Variants in ZC3H14 observed in about 807,000 individuals in gnomAD.
The protein encoded by ZC3H14 is zinc finger CCCH-type containing 14.
A neutral mutation model predicts 92.4 loss-of-function variants in ZC3H14; 31 were observed. That is an observed-to-expected ratio of 0.34 (90% CI 0.25 to 0.45). The LOEUF (loss-of-function observed/expected upper bound fraction) is 0.45, where lower values mean the gene tolerates loss of function less well. Ranked by LOEUF, ZC3H14 falls within the 20% of genes least tolerant of loss-of-function variation. ZC3H14 has a pLI of 1.00. For missense variants in ZC3H14, 781 were observed against 897.3 expected, an observed-to-expected ratio of 0.87 and a Z score of 1.66; for synonymous variants, 321 against 300.9, an observed-to-expected ratio of 1.07 and a Z score of -0.69.
intron 9 of ZC3H14, chr14:88,590,159 G>A (rs1297444326): frequency 2.6e-5 from 4 of 151,648 alleles, no homozygotes; most frequent in South Asian, 2.1e-4. Flanking sequence ...AAAAGTCACC[G>A]TCTGTGATTT....
At chr14:88,581,500 G>T (rs1326208819) in intron 9 of ZC3H14, among the ~76,000 whole-genome samples, 1 of 152,170 alleles carries the variant, frequency 6.6e-6, no homozygotes, top group East Asian at 1.9e-4. Context: ...GGCGGAGGTT[G>T]CAGTGAGCCA....
chr14:88,571,698 ACG>A (rs1448202567), intron 4 of ZC3H14, among the ~76,000 whole-genome samples: 1 of 152,238 alleles, frequency 6.6e-6, no homozygotes, highest in Admixed American at 6.5e-5. Context: ...ACGGTGGCTC[ACG>A]CCTGTAATCC....
chr14:88,568,330 C>T (rs1018325701), intron 3 of ZC3H14, among the ~76,000 whole-genome samples, 177 bp downstream of exon 3: 6 of 152,264 alleles, frequency 3.9e-5, no homozygotes, highest in Middle Eastern at 3.4e-3. Flanking sequence ...AAGAAATACC[C>T]GAGACTGGGT....
chr14:88,602,829 G>T lies in ZC3H14; in HGVS notation c.1516G>T (p.Asp506Tyr). The change falls in exon 12 of 17, where the codon GAT (aspartate) becomes TAT (tyrosine). Residue 506 changes from aspartate to tyrosine, a missense_variant and splice_region_variant. Physicochemically the swap from Asp to Tyr is radical, Grantham distance 160. Coordinates refer to ENST00000251038, the MANE Select transcript of ZC3H14 (RefSeq NM_024824.5). The part of the protein sequence containing the change: ...VLSGHLMQTR[D>Y]LVQPDKPASP... ...TGGTATTTTTTATCTGTCTGGCAGAGATCTTGTACAACCAGATAAACCTGC... is the reference window on the plus strand; with the variant it reads ...TGGTATTTTTTATCTGTCTGGCAGATATCTTGTACAACCAGATAAACCTGC... 1 of 1,614,058 alleles carries T rather than the reference G, an allele frequency of 6.2e-7. No individual in the cohort carries two copies. The highest frequency in any genetic ancestry group is 8.5e-7 in the Non-Finnish European group (1 of 1,179,944).
At chr14:88,588,141 TG>T (rs2082679157) in intron 9 of ZC3H14, among the ~76,000 whole-genome samples, 1 of 152,184 alleles carries the variant, frequency 6.6e-6, no homozygotes, top group Non-Finnish European at 1.5e-5. Context: ...TTGAAATCTT[TG>T]GGTTTCCCAC....
chr14:88,582,711 A>G lies in ZC3H14; in HGVS notation c.1279+4571A>G, dbSNP rs541664388. On this transcript the variant is annotated intron_variant, in intron 9 of 16. Transcript: ENST00000251038. ...TTTCTATACTGTGTTTTAAAAGGGG[A>G]TAATTGAAATGGTGTCAGGTACCTT... 2.0e-5 allele frequency among the ~76,000 whole-genome samples: 3 copies of G among 152,212 alleles called. No individual in the cohort carries two copies. In the South Asian group the frequency reaches 6.2e-4, roughly 32 times the overall value.
chr14:88,572,152 C>T lies in ZC3H14; in HGVS notation c.358C>T (p.Pro120Ser). The change falls in exon 5 of 17, where the codon CCT becomes TCT. Residue 120 changes from proline (P) to serine (S), a missense_variant. Around this residue, in one of 3 missense-constraint regions of ZC3H14, gnomAD observed 106 missense variants for 154.2 expected, o/e 0.69. Coordinates refer to ENST00000251038, the MANE Select transcript of ZC3H14 (RefSeq NM_024824.5). ...AGCTGCAGTGCCACCACTTGCCATT[C>T]CTAGCGCGAGACCTGAAAAAAGAGA... ...HEAAVPPLAI[P>S]SARPEKRDSR... is the part of the protein sequence containing the mutation. The T allele has an allele frequency of 5.0e-6, 8 of 1,614,112 alleles. No homozygotes were observed. The highest frequency in any genetic ancestry group is 6.8e-6 in the Non-Finnish European group (8 of 1,180,044).
intron 9 of ZC3H14, chr14:88,594,347 C>T: frequency 2.0e-6 from 2 of 994,736 alleles, no homozygotes; most frequent in Non-Finnish European, 2.4e-6. Flanking sequence ...TTGTGTGACA[C>T]ATGTCTGTTT....
In ZC3H14 at chr14:88,577,913, T is replaced by C. The variant is rs2081372999; in HGVS notation, c.1124-72T>C. The C allele has an allele frequency of 2.5e-5, 39 of 1,582,374 alleles. No homozygotes were observed. The Admixed American group carries it at 2.7e-4, about 11-fold the overall frequency. On this transcript the variant is annotated intron_variant, in intron 8 of 16. Coordinates refer to ENST00000251038, the MANE Select transcript of ZC3H14 (RefSeq NM_024824.5). ...CCAAAGGAGGCATTTATATTTAATA[T>C]GACATAGTCACTGTGGAGTTTTGAC...
At chr14:88,590,654 C>T (rs1239736767) in intron 9 of ZC3H14, 1 of 152,170 alleles carries the variant, frequency 6.6e-6, no homozygotes, top group African/African-American at 2.4e-5. Flanking sequence ...TTTATCCGAA[C>T]GTAGGTCTTT....
intron 9 of ZC3H14, among the ~76,000 whole-genome samples, chr14:88,581,087 AG>A (rs1297615707): frequency 6.6e-6 from 1 of 152,216 alleles, no homozygotes; most frequent in Non-Finnish European, 1.5e-5. Flanking sequence ...GCTTCAGACA[AG>A]TAAAAGCCTG....
At chr14:88,571,577 A>G (rs563930739) in intron 4 of ZC3H14, among the ~76,000 whole-genome samples, 1 of 152,340 alleles carries the variant, frequency 6.6e-6, no homozygotes, top group African/African-American at 2.4e-5. Context: ...CACCTTTGAG[A>G]TAATTGGTGA....
rs2087423538 is a variant in ZC3H14, at chr14:88,615,326, A to C, written c.*3575A>C. ...TCCTTAGGGAAAATGTTTGCCTTTT[A>C]AAAACTGTGATCCTTTAGGATGATC... On this transcript the variant is annotated 3_prime_UTR_variant, in exon 17 of 17. Coordinates refer to ENST00000251038, the MANE Select transcript of ZC3H14 (RefSeq NM_024824.5). 6.6e-6 allele frequency: 1 copy of C among 152,434 alleles called. No individual in the cohort carries two copies. The highest frequency in any genetic ancestry group is 1.5e-5 in the Non-Finnish European group (1 of 68,162). The allele number at this position is 152,434 out of a possible 1,614,324, so 9.4% of individuals were successfully genotyped here.
rs1323614437 is a variant in ZC3H14 at position 88,582,805 on chromosome 14, T to C, written c.1279+4665T>C. Among the ~76,000 whole-genome samples, 6 of 152,238 alleles carry C rather than the reference T, an allele frequency of 3.9e-5. No individual in the cohort carries two copies. The South Asian group carries it at 6.2e-4, about 16-fold the overall frequency. On this transcript the variant is annotated intron_variant, in intron 9 of 16. Coordinates refer to ENST00000251038, the MANE Select transcript of ZC3H14 (RefSeq NM_024824.5). ...GAAGTGATACTGCAAGCAACTGTTA[T>C]CTGTTAATGTGGTTACTCACTGTTG...
chr14:88,577,566 T>C (rs970657521), intron 8 of ZC3H14, among the ~76,000 whole-genome samples: 1 of 152,122 alleles, frequency 6.6e-6, no homozygotes, highest in Non-Finnish European at 1.5e-5. Flanking sequence ...TTCTTTTCTT[T>C]TCTTTTTCTT....
Position 88,563,080 on chromosome 14 carries a change from CCT to C in ZC3H14, c.-52_-51del. On this transcript the variant is annotated 5_prime_UTR_variant, in exon 1 of 17. Coordinates refer to ENST00000251038, the MANE Select transcript of ZC3H14 (RefSeq NM_024824.5). ...GCTGCGGGGTAGGAGTCCGCGGCAG[CCT>C]CCGGGTAAGCCAAGCGCCGCGCAGT... 1.3e-6 allele frequency: 2 copies of C among 1,550,950 alleles called. No individual in the cohort carries two copies. Among genetic ancestry groups the C allele is most frequent in the South Asian group, 1.2e-5 (1 of 84,642 alleles).
Position 88,596,784 on chromosome 14 carries a change from G to A in ZC3H14, c.1330G>A (p.Ala444Thr), listed in dbSNP as rs964042370. Residue 444 changes from alanine to threonine, a missense_variant, in exon 10 of 17, where the codon GCA becomes ACA. By Grantham distance (58) the Ala-to-Thr change is moderately conservative. This residue lies in a region of ZC3H14 where 454 missense variants were observed against 438.5 expected (regional missense o/e 1.04). Coordinates refer to ENST00000251038, the MANE Select transcript of ZC3H14 (RefSeq NM_024824.5). ...CCGACTGCAAATCGACCCAGTAATG[G>A]CAGAAACTCTGCAGATGAGTCAAGG... is the stretch of plus-strand genomic sequence containing the variant. ...LSRLQIDPVM[A>T]ETLQMSQDYY... is the part of the protein sequence containing the mutation. The A allele has an allele frequency of 6.2e-7, 1 of 1,613,970 alleles. No homozygotes were observed. Among genetic ancestry groups the A allele is most frequent in the South Asian group, 1.1e-5 (1 of 91,076 alleles).
chr14:88,599,140 T>C (rs913736434), intron 10 of ZC3H14, among the ~76,000 whole-genome samples: 1 of 152,190 alleles, frequency 6.6e-6, no homozygotes, highest in African/African-American at 2.4e-5. Flanking sequence ...AACTGCTTCT[T>C]GGACACATCT....
chr14:88,565,771 A>G (rs902042283), intron 2 of ZC3H14, among the ~76,000 whole-genome samples: 7 of 152,158 alleles, frequency 4.6e-5, no homozygotes, highest in African/African-American at 1.2e-4. Flanking sequence ...TTTCAACTGC[A>G]TATCTGTGAG....
Sources: allele counts gnomAD v4.1 joint callset (sites outside exome capture counted in the v4.1 genomes callset), GRCh38; gene constraint gnomAD v4.1.1; regional missense constraint gnomAD v4.1.1; transcripts MANE v1.5; gene names NCBI Gene and HGNC (gene_info 2026-07-23, HGNC 2026-07-21).